ERC2: variants seen among roughly 807,000 people sequenced by gnomAD.
ERC2 encodes ELKS/RAB6-interacting/CAST family member 2.
In ERC2, 42 loss-of-function variants were observed where a neutral mutation model predicts 114.8. The ratio of observed to expected loss-of-function variants is 0.37; its 90% CI spans 0.29 to 0.47. The LOEUF is 0.47. Ranked by LOEUF, ERC2 falls within the 20% of genes least tolerant of loss-of-function variation. The pLI is 0.99. For missense variants in ERC2, 939 were observed against 1,150.7 expected, an observed-to-expected ratio of 0.82 and a Z score of 2.66; for synonymous variants, 454 against 425.5, an observed-to-expected ratio of 1.07 and a Z score of -0.82.
intron 14 of ERC2, among the ~76,000 whole-genome samples, chr3:55,887,516 G>A (rs1217833467): frequency 2.6e-5 from 4 of 152,144 alleles, no homozygotes; most frequent in African/African-American, 7.2e-5. Context: ...TTACTGTGGA[G>A]GGAAGTTAGA....
In ERC2 at chr3:55,865,780, A is replaced by G. The variant is rs149231662; in HGVS notation, c.2564+22609T>C. Reference sequence around the variant, plus strand: ...TTCTCTCATATTGCAGCATCTATCAATACTTCATTTCTTTTTATTATCAAG... The same window carrying G: ...TTCTCTCATATTGCAGCATCTATCAGTACTTCATTTCTTTTTATTATCAAG... On this transcript the variant is annotated intron_variant, in intron 14 of 17. Coordinates refer to ENST00000288221, the MANE Select transcript of ERC2 (RefSeq NM_015576.3). Among the ~76,000 whole-genome samples, 3 of 152,266 alleles carry G rather than the reference A, an allele frequency of 2.0e-5. No individual in the cohort carries two copies. In the East Asian group the frequency reaches 5.8e-4, roughly 29 times the overall value.
At chr3:56,109,338 C>G (rs1425953040) in intron 6 of ERC2, among the ~76,000 whole-genome samples, 1 of 152,158 alleles carries the variant, frequency 6.6e-6, no homozygotes, top group East Asian at 1.9e-4. Flanking sequence ...CCATGTTCCA[C>G]AAAAGACATA....
At chr3:55,688,174 T>C (rs1231144590) in intron 16 of ERC2, among the ~76,000 whole-genome samples, 1 of 152,210 alleles carries the variant, frequency 6.6e-6, no homozygotes, top group African/African-American at 2.4e-5. Context: ...AGAAATCTGC[T>C]TCCTGCTCTT....
intron 2 of ERC2, among the ~76,000 whole-genome samples, chr3:56,396,297 A>G (rs956355959): frequency 2.0e-5 from 3 of 152,236 alleles, no homozygotes; most frequent in African/African-American, 4.8e-5. Flanking sequence ...AAATAAAAAT[A>G]CAGTTTGTCC....
chr3:55,617,038 A>G (rs1257903463), intron 17 of ERC2, among the ~76,000 whole-genome samples: 6 of 152,176 alleles, frequency 3.9e-5, no homozygotes, highest in African/African-American at 1.4e-4. Context: ...GGTGTGAGAA[A>G]AGGAAGAAGT....
intron 17 of ERC2, chr3:55,657,107 G>A (rs2060904398): frequency 6.6e-6 from 1 of 152,162 alleles, no homozygotes; most frequent in South Asian, 2.1e-4. Context: ...CTCCTGGATA[G>A]TGGTATGAAG....
intron 4 of ERC2, among the ~76,000 whole-genome samples, chr3:56,162,481 G>T (rs2082100847): frequency 6.6e-6 from 1 of 152,158 alleles, no homozygotes; most frequent in African/African-American, 2.4e-5. Context: ...ATGTTTGAAA[G>T]AATTCAACTG....
intron 2 of ERC2, among the ~76,000 whole-genome samples, chr3:56,313,909 C>T (rs1370873741): frequency 1.3e-5 from 2 of 152,172 alleles, no homozygotes; most frequent in Non-Finnish European, 1.5e-5. Flanking sequence ...TATGACAGTG[C>T]TATGATTATG....
chr3:55,947,892 C>T (rs2067232662), intron 13 of ERC2, among the ~76,000 whole-genome samples: 1 of 152,182 alleles, frequency 6.6e-6, no homozygotes, highest in Non-Finnish European at 1.5e-5. Context: ...TTTTCCTACA[C>T]ACAAGCCTGT....
intron 8 of ERC2, among the ~76,000 whole-genome samples, chr3:56,017,315 G>A (rs2073374873): frequency 6.6e-6 from 1 of 152,140 alleles, no homozygotes; most frequent in South Asian, 2.1e-4. Flanking sequence ...CATTTAGCCA[G>A]AATGAAATGG....
chr3:55,520,174 C>T (rs568468269), intron 17 of ERC2, among the ~76,000 whole-genome samples: 9 of 152,122 alleles, frequency 5.9e-5, no homozygotes, highest in South Asian at 2.1e-4. Flanking sequence ...AAAAGGCAGC[C>T]AGGCGCAGTG....
chr3:56,022,556 A>T (rs920407582), intron 7 of ERC2, among the ~76,000 whole-genome samples: 19 of 152,054 alleles, frequency 1.2e-4, no homozygotes, highest in Middle Eastern at 3.2e-3. Flanking sequence ...TGTATCTTTT[A>T]AAAAAAAGTA....
At chr3:55,705,169 G>T (rs1434414766) in intron 15 of ERC2, among the ~76,000 whole-genome samples, 1 of 152,166 alleles carries the variant, frequency 6.6e-6, no homozygotes, top group Non-Finnish European at 1.5e-5. Flanking sequence ...GAAGGGTATG[G>T]TTTAAATGGA....
intron 2 of ERC2, among the ~76,000 whole-genome samples, chr3:56,415,175 A>G (rs60558675): frequency 0.047 from 7,180 of 152,284 alleles, 426 homozygotes; most frequent in African/African-American, 0.14. Flanking sequence ...AAGAGGCCTT[A>G]GCTCTGTATA....
intron 15 of ERC2, among the ~76,000 whole-genome samples, chr3:55,708,613 C>G (rs2063604911): frequency 6.6e-6 from 1 of 152,036 alleles, no homozygotes; most frequent in Non-Finnish European, 1.5e-5. Context: ...TAGAGGGTCT[C>G]TGAAAAAAAC....
chr3:56,114,564 G>T (rs920688278), intron 6 of ERC2, among the ~76,000 whole-genome samples: 2 of 152,134 alleles, frequency 1.3e-5, no homozygotes, highest in Non-Finnish European at 1.5e-5. Flanking sequence ...TGAGTAGGGG[G>T]ATTAGGATTT....
At chr3:56,247,405 T>C (rs941105410) in intron 3 of ERC2, among the ~76,000 whole-genome samples, 4 of 152,246 alleles carry the variant, frequency 2.6e-5, no homozygotes, top group African/African-American at 7.2e-5. Flanking sequence ...AATTTGTTTA[T>C]AATGAATAGT....
intron 3 of ERC2, among the ~76,000 whole-genome samples, chr3:56,278,267 A>G (rs553666314): frequency 2.2e-4 from 33 of 152,334 alleles, no homozygotes; most frequent in South Asian, 1.2e-3. Flanking sequence ...CTGTGTTCCA[A>G]TCCCCTGAGA....
At chr3:56,221,907 A>C (rs574305472) in intron 3 of ERC2, among the ~76,000 whole-genome samples, 1 of 152,328 alleles carries the variant, frequency 6.6e-6, no homozygotes, top group South Asian at 2.1e-4. Context: ...AAAACAAAAA[A>C]AAAAATCTAA....
Sources: allele counts gnomAD v4.1 joint callset (sites outside exome capture counted in the v4.1 genomes callset), GRCh38; gene constraint gnomAD v4.1.1; transcripts MANE v1.5; gene names NCBI Gene and HGNC (gene_info 2026-07-23, HGNC 2026-07-21).